Variants in IMMP2L observed in about 807,000 individuals in gnomAD.
IMMP2L encodes the protein inner mitochondrial membrane peptidase subunit 2, also known as mitochondrial inner membrane protease subunit 2.
A neutral mutation model predicts 19.3 loss-of-function variants in IMMP2L; 18 were observed. The ratio of observed to expected loss-of-function variants is 0.93; its 90% CI spans 0.64 to 1.38. The LOEUF (loss-of-function observed/expected upper bound fraction) is 1.38, where lower values mean the gene tolerates loss of function less well. Ranked by LOEUF, IMMP2L falls within the 40% of genes most tolerant of loss-of-function variation. The pLI, the probability that IMMP2L is intolerant of heterozygous loss-of-function variation, is 0.00. For missense variants in IMMP2L, 233 were observed against 218.2 expected (o/e 1.07, Z -0.43); for synonymous variants, 76 against 73.0 (o/e 1.04, Z -0.21).
intron 3 of IMMP2L, among the ~76,000 whole-genome samples, chr7:111,155,797 G>A (rs555258186): frequency 6.6e-6 from 1 of 151,904 alleles, no homozygotes; most frequent in Non-Finnish European, 1.5e-5. Context: ...TTTAGGCATA[G>A]CTTCGATGTA....
chr7:111,448,290 T>C (rs1456979426), intron 3 of IMMP2L, among the ~76,000 whole-genome samples: 2 of 132,292 alleles, frequency 1.5e-5, no homozygotes, highest in Non-Finnish European at 3.2e-5. Context: ...TATTCCAAAA[T>C]TGACCACATA....
chr7:111,218,424 G>A (rs1439074399), intron 3 of IMMP2L, among the ~76,000 whole-genome samples: 1 of 151,178 alleles, frequency 6.6e-6, no homozygotes, highest in East Asian at 1.9e-4. Flanking sequence ...AAACACAAGT[G>A]GAAACTTTCA....
chr7:110,907,737 T>C (rs1360548150), intron 4 of IMMP2L, among the ~76,000 whole-genome samples: 1 of 152,170 alleles, frequency 6.6e-6, no homozygotes, highest in African/African-American at 2.4e-5. Flanking sequence ...ACTTGCTATA[T>C]AGTAAAAATT....
At chr7:111,446,877 T>G (rs991643114) in intron 3 of IMMP2L, among the ~76,000 whole-genome samples, 1 of 150,644 alleles carries the variant, frequency 6.6e-6, no homozygotes, top group Admixed American at 6.6e-5. Flanking sequence ...CTGATGGAGC[T>G]GAAAACCAAG....
At chr7:110,844,492 A>C (rs1465546618) in intron 5 of IMMP2L, among the ~76,000 whole-genome samples, 1 of 152,058 alleles carries the variant, frequency 6.6e-6, no homozygotes, top group African/African-American at 2.4e-5. Flanking sequence ...CCAGAAAAAA[A>C]GAAAACGGAG....
intron 3 of IMMP2L, among the ~76,000 whole-genome samples, chr7:111,079,262 C>T (rs981636440): frequency 7.3e-6 from 1 of 136,434 alleles, no homozygotes; most frequent in African/African-American, 2.5e-5. Context: ...GGACTACAGG[C>T]GCCCGCCACT....
At chr7:110,674,926 G>A (rs770659184) in intron 5 of IMMP2L, among the ~76,000 whole-genome samples, 47 of 152,010 alleles carry the variant, frequency 3.1e-4, no homozygotes, top group Non-Finnish European at 6.0e-4. Flanking sequence ...TCTCTTGTAA[G>A]ACCCAATTCA....
chr7:110,713,394 C>T (rs6957675), intron 5 of IMMP2L, among the ~76,000 whole-genome samples: 31,751 of 152,044 alleles, frequency 0.21, 3,520 homozygotes, highest in Admixed American at 0.26. Flanking sequence ...GCTATTCGGG[C>T]TCTTTTTCTG....
intron 3 of IMMP2L, among the ~76,000 whole-genome samples, chr7:111,192,240 A>C (rs1413889529): frequency 1.3e-5 from 2 of 152,096 alleles, no homozygotes; most frequent in South Asian, 2.1e-4. Flanking sequence ...AGATTATGAG[A>C]GCTCATATTC....
intron 5 of IMMP2L, among the ~76,000 whole-genome samples, chr7:110,672,447 T>C (rs537446602): frequency 7.7e-4 from 117 of 152,172 alleles, no homozygotes; most frequent in African/African-American, 2.7e-3. Context: ...CTCCCAAATC[T>C]CATGTCCTCT....
chr7:111,077,389 T>C (rs1586118663), intron 3 of IMMP2L, among the ~76,000 whole-genome samples: 1 of 152,228 alleles, frequency 6.6e-6, no homozygotes, highest in Non-Finnish European at 1.5e-5. Context: ...TCTCTCGGAA[T>C]CCCGCCTCTC....
intron 1 of IMMP2L, among the ~76,000 whole-genome samples, chr7:111,556,018 G>GTATATATATATATATATATATATA (rs1554550149): frequency 0.022 from 1,995 of 91,056 alleles, 296 homozygotes; most frequent in East Asian, 0.06. Context: ...CTGTGTGCAT[G>GTATATATATATATATATATATATA]TATATATATA....
At chr7:111,243,222 GTATT>G (rs1309595599) in intron 3 of IMMP2L, among the ~76,000 whole-genome samples, 2 of 151,896 alleles carry the variant, frequency 1.3e-5, no homozygotes, top group African/African-American at 4.8e-5. Flanking sequence ...TGAATGTGAA[GTATT>G]TATTATATAT....
chr7:111,291,629 G>T (rs1821115100), intron 3 of IMMP2L, among the ~76,000 whole-genome samples: 1 of 152,080 alleles, frequency 6.6e-6, no homozygotes, highest in Non-Finnish European at 1.5e-5. Context: ...TGAGAAAAAT[G>T]GTGATTAAAG....
intron 5 of IMMP2L, among the ~76,000 whole-genome samples, chr7:110,840,236 T>C (rs1236587976): frequency 6.6e-6 from 1 of 152,066 alleles, no homozygotes; most frequent in Non-Finnish European, 1.5e-5. Flanking sequence ...GCTCCTACTA[T>C]TGCTAGCCCA....
chr7:110,788,839 G>C (rs755883867), intron 5 of IMMP2L, among the ~76,000 whole-genome samples: 7 of 151,710 alleles, frequency 4.6e-5, no homozygotes, highest in Non-Finnish European at 8.8e-5. Flanking sequence ...TCAAATGGTA[G>C]TACATCTGTT....
intron 3 of IMMP2L, among the ~76,000 whole-genome samples, chr7:111,189,292 T>G (rs1030581546): frequency 6.6e-6 from 1 of 151,672 alleles, no homozygotes; most frequent in Admixed American, 6.6e-5. Context: ...GCCTTTGTGG[T>G]GTCAGAAGCC....
chr7:110,844,532 G>C (rs1805453520), intron 5 of IMMP2L, among the ~76,000 whole-genome samples: 1 of 151,972 alleles, frequency 6.6e-6, no homozygotes, highest in Non-Finnish European at 1.5e-5. Context: ...ACGGATGGGG[G>C]TCTTTTATAT....
At chr7:110,706,351 A>T (rs921733902) in intron 5 of IMMP2L, among the ~76,000 whole-genome samples, 3 of 151,884 alleles carry the variant, frequency 2.0e-5, no homozygotes, top group African/African-American at 7.3e-5. Context: ...CAATCCTTCC[A>T]CCTTGGTTTC....
Sources: gnomAD v4.1 joint callset for allele counts (sites outside exome capture counted in the v4.1 genomes callset) on GRCh38, gnomAD v4.1.1 for gene constraint, MANE v1.5 for transcripts, NCBI Gene and HGNC (gene_info 2026-07-23, HGNC 2026-07-21) for gene names.